Variants in TCF12 observed in about 807,000 individuals in gnomAD.
The protein encoded by TCF12 is transcription factor 12.
TCF12 carries 45 observed loss-of-function variants against 86.0 expected under a neutral mutation model. The observed-to-expected ratio is 0.52, with a 90% confidence interval of 0.41 to 0.67. The LOEUF is 0.67. Ranked by LOEUF, TCF12 falls within the 30% of genes least tolerant of loss-of-function variation. The pLI, the probability that TCF12 is intolerant of heterozygous loss-of-function variation, is 0.00. For missense variants in TCF12, 881 were observed against 859.9 expected (o/e 1.02, Z -0.31); for synonymous variants, 330 against 299.6 (o/e 1.10, Z -1.05).
chr15:57,146,950 G>T (rs2151434655), intron 5 of TCF12, among the ~76,000 whole-genome samples: 1 of 152,262 alleles, frequency 6.6e-6, no homozygotes, highest in East Asian at 1.9e-4. Context: ...AATGAGTTGG[G>T]ATAAAGATTG....
intron 4 of TCF12, chr15:57,072,599 A>G: frequency 4.2e-6 from 5 of 1,188,730 alleles, no homozygotes; most frequent in South Asian, 1.4e-5. Flanking sequence ...CAAATACAGT[A>G]ATTAGAAAGG....
At chr15:57,075,745 G>A (rs181994726) in intron 4 of TCF12, among the ~76,000 whole-genome samples, 34 of 145,468 alleles carry the variant, frequency 2.3e-4, no homozygotes, top group Admixed American at 2.2e-3. Context: ...TTCTGGACAT[G>A]ACATGAGGTT....
intron 5 of TCF12, among the ~76,000 whole-genome samples, chr15:57,159,128 T>A (rs577421535): frequency 5.9e-4 from 90 of 152,346 alleles, no homozygotes; most frequent in African/African-American, 2.1e-3. Context: ...GTTTATTAAT[T>A]AAACTGTGCA....
chr15:57,162,146 A>G (rs1219746731), intron 5 of TCF12, among the ~76,000 whole-genome samples: 2 of 152,212 alleles, frequency 1.3e-5, no homozygotes, highest in African/African-American at 4.8e-5. Context: ...GGAAAATTAG[A>G]TATATGTTAC....
intron 5 of TCF12, among the ~76,000 whole-genome samples, chr15:57,140,218 A>G (rs1474884796): frequency 6.6e-6 from 1 of 152,192 alleles, no homozygotes; most frequent in Non-Finnish European, 1.5e-5. Context: ...AATATTATTG[A>G]GCCTTAAAAA....
chr15:57,049,320 C>T (rs1427153117), intron 3 of TCF12, among the ~76,000 whole-genome samples: 4 of 152,196 alleles, frequency 2.6e-5, no homozygotes, highest in Non-Finnish European at 5.9e-5. Context: ...CTTCCGTCTG[C>T]TTCCCAGGAA....
At chr15:57,078,496 C>T (rs1306969940) in intron 4 of TCF12, among the ~76,000 whole-genome samples, 1 of 152,136 alleles carries the variant, frequency 6.6e-6, no homozygotes, top group Non-Finnish European at 1.5e-5. Flanking sequence ...CTTCTTGTGA[C>T]TGTAAGCTCC....
chr15:57,258,831 A>G (rs1227419675), intron 16 of TCF12, among the ~76,000 whole-genome samples: 1 of 152,200 alleles, frequency 6.6e-6, no homozygotes, highest in East Asian at 1.9e-4. Flanking sequence ...TCTTAGTTAC[A>G]GGAGACTTTA....
At chr15:57,284,616 T>C (rs1224835734) in intron 20 of TCF12, among the ~76,000 whole-genome samples, 1 of 152,032 alleles carries the variant, frequency 6.6e-6, no homozygotes, top group Non-Finnish European at 1.5e-5. Flanking sequence ...ATGGGAGAGG[T>C]AACTTATGCT....
intron 3 of TCF12, among the ~76,000 whole-genome samples, chr15:56,977,633 T>C (rs2062679737): frequency 6.6e-6 from 1 of 152,178 alleles, no homozygotes; most frequent in Admixed American, 6.5e-5. Context: ...GCTTTGTGTG[T>C]GTGTTTTGGC....
intron 3 of TCF12, among the ~76,000 whole-genome samples, chr15:56,928,473 G>T (rs1314859493): frequency 3.3e-5 from 5 of 152,042 alleles, no homozygotes; most frequent in African/African-American, 4.8e-5. Context: ...GAAATGTTTT[G>T]TCTGTGGTGT....
chr15:57,216,847 G>C (rs1181290654), intron 8 of TCF12, among the ~76,000 whole-genome samples: 1 of 151,962 alleles, frequency 6.6e-6, no homozygotes, highest in Non-Finnish European at 1.5e-5. Flanking sequence ...TGCTGTTTTG[G>C]AGCGACAAAC....
chr15:57,123,647 A>G (rs1229624342), intron 5 of TCF12, among the ~76,000 whole-genome samples: 1 of 151,602 alleles, frequency 6.6e-6, no homozygotes, highest in African/African-American at 2.4e-5. Flanking sequence ...ACACTCAGCT[A>G]ATGTAAAAAA....
chr15:57,164,868 A>G (rs1224917983), intron 5 of TCF12, among the ~76,000 whole-genome samples: 1 of 152,046 alleles, frequency 6.6e-6, no homozygotes, highest in African/African-American at 2.4e-5. Flanking sequence ...TATAGTAGAG[A>G]TGAGGTTTCA....
At chr15:57,277,839 TGAGGTGGGAGGATCACTTGAGCCCTA>T (rs2061476103) in intron 19 of TCF12, among the ~76,000 whole-genome samples, 1 of 151,376 alleles carries the variant, frequency 6.6e-6, no homozygotes, top group Non-Finnish European at 1.5e-5. Flanking sequence ...CTTGGGAGGC[TGAGGTGGGAGGATCACTTGAGCCCTA>T]GAAGATTGAG....
chr15:57,177,967 A>G (rs1476067653), intron 6 of TCF12, among the ~76,000 whole-genome samples: 2 of 152,116 alleles, frequency 1.3e-5, no homozygotes, highest in African/African-American at 2.4e-5. Context: ...ATGAAAATTG[A>G]TGATTATACT....
chr15:57,128,867 A>AT (rs1384013563), intron 5 of TCF12, among the ~76,000 whole-genome samples: 1 of 152,134 alleles, frequency 6.6e-6, no homozygotes, highest in African/African-American at 2.4e-5. Context: ...TCAATATTTC[A>AT]TTTCTTTTTA....
intron 8 of TCF12, among the ~76,000 whole-genome samples, chr15:57,226,538 C>G (rs1305050610): frequency 6.6e-6 from 1 of 152,126 alleles, no homozygotes; most frequent in African/African-American, 2.4e-5. Flanking sequence ...GCTATTCAAA[C>G]CATCTTGACA....
Position 57,269,371 on chromosome 15 carries a change from T to C in TCF12, c.1746-3659T>C, listed in dbSNP as rs2061020110. 6.6e-5 allele frequency among the ~76,000 whole-genome samples: 9 copies of C among 135,872 alleles called. No individual in the cohort carries two copies. In the South Asian group the frequency reaches 2.3e-3, roughly 34 times the overall value. 89.1% of individuals were successfully genotyped at this position (135,872 alleles called of 152,430 possible). A position where few individuals can be genotyped will look rare whatever the true frequency, so the allele number is the denominator to read the frequency against. Reference sequence around the variant, plus strand: ...CCGCACAACCCCTGCTTTTTTTTTTTTTTTTTTTTTTTTTTTTTTTGGCTT... The same window carrying C: ...CCGCACAACCCCTGCTTTTTTTTTTCTTTTTTTTTTTTTTTTTTTTGGCTT... On this transcript the variant is annotated intron_variant, in intron 18 of 20. Coordinates refer to ENST00000333725, the MANE Select transcript of TCF12 (RefSeq NM_207037.2).
Sources: gnomAD v4.1 joint callset for allele counts (sites outside exome capture counted in the v4.1 genomes callset) on GRCh38, gnomAD v4.1.1 for gene constraint, MANE v1.5 for transcripts, NCBI Gene and HGNC (gene_info 2026-07-23, HGNC 2026-07-21) for gene names.